SYNDIG1: variants seen among roughly 807,000 people sequenced by gnomAD.
SYNDIG1 encodes the protein synapse differentiation inducing 1.
Under a neutral mutation model 19.4 loss-of-function variants are expected in SYNDIG1, and 9 were observed. That is an observed-to-expected ratio of 0.46 (90% confidence interval 0.28 to 0.81). The LOEUF (loss-of-function observed/expected upper bound fraction) is 0.81. Ranked by LOEUF, SYNDIG1 falls within the 30% of genes least tolerant of loss-of-function variation. SYNDIG1 has a pLI of 0.12. For synonymous variants in SYNDIG1, 141 were observed against 145.9 expected (o/e 0.97, Z 0.24); for missense variants, 311 against 343.3 (o/e 0.91, Z 0.74).
intron 2 of SYNDIG1, among the ~76,000 whole-genome samples, chr20:24,553,269 A>G (rs2057742986): frequency 6.6e-6 from 1 of 151,684 alleles, no homozygotes; most frequent in African/African-American, 2.4e-5. Context: ...TTGCCTGTTC[A>G]CTCTGATGGT....
chr20:24,659,381 CTCA>C (rs1325002473), intron 3 of SYNDIG1, among the ~76,000 whole-genome samples: 2 of 152,208 alleles, frequency 1.3e-5, no homozygotes, highest in African/African-American at 4.8e-5. Flanking sequence ...GTCTGCCGTC[CTCA>C]TCATCGTGTG....
chr20:24,513,696 ACT>A (rs1435004063), intron 1 of SYNDIG1, among the ~76,000 whole-genome samples: 1 of 152,168 alleles, frequency 6.6e-6, no homozygotes, highest in African/African-American at 2.4e-5. Flanking sequence ...GTTGGAAAAC[ACT>A]CTGCAGGATA....
At chr20:24,472,877 C>T (rs1024801871) in intron 1 of SYNDIG1, among the ~76,000 whole-genome samples, 1 of 152,186 alleles carries the variant, frequency 6.6e-6, no homozygotes, top group African/African-American at 2.4e-5. Context: ...TTATAAAGTG[C>T]ACTATTTAAA....
intron 2 of SYNDIG1, among the ~76,000 whole-genome samples, chr20:24,548,826 G>C (rs1471852883): frequency 2.0e-5 from 3 of 152,158 alleles, no homozygotes; most frequent in Non-Finnish European, 4.4e-5. Flanking sequence ...GATGAAAGGT[G>C]ATGTTTTTGT....
intron 2 of SYNDIG1, among the ~76,000 whole-genome samples, chr20:24,571,633 A>G (rs2058145775): frequency 1.3e-5 from 2 of 152,234 alleles, no homozygotes; most frequent in Non-Finnish European, 2.9e-5. Flanking sequence ...ACTTAAATAC[A>G]TGCTTTTCTT....
rs34436263 is a variant in SYNDIG1 at position 24,508,218 on chromosome 20, ATTT to A, written c.-78-34776_-78-34774del. 1.6e-4 allele frequency among the ~76,000 whole-genome samples: 12 copies of A among 73,204 alleles called. 1 individual carries two copies. The highest frequency in any genetic ancestry group is 6.7e-4 in the African/African-American group (11 of 16,502). 48.0% of individuals were successfully genotyped at this position (73,204 alleles called of 152,430 possible). On this transcript the variant is annotated intron_variant, in intron 1 of 3. Transcript: ENST00000376862. ...TGGAAAATTAAAATTAAGGAGGATA[ATTT>A]TTTTTTTTTTTTTTTTTTTTTTTTT...
At position 24,626,827 on chromosome 20, in the gene SYNDIG1, A is replaced by G. The variant is rs1438350217; in HGVS notation, c.619-38519A>G. ...ACGAGACTCCGTCTGCAATCCCGGC[A>G]CCTCGGGAGGCCGAGGCTGGCGGAT... On this transcript the variant is annotated intron_variant, in intron 3 of 3. Transcript: ENST00000376862. Among the ~76,000 whole-genome samples the G allele has an allele frequency of 2.6e-5, 4 of 152,318 alleles. No individual in the cohort carries two copies. In the East Asian group the frequency reaches 7.7e-4, roughly 29 times the overall value.
chr20:24,580,127 G>A (rs1470980757), intron 2 of SYNDIG1, among the ~76,000 whole-genome samples: 1 of 152,174 alleles, frequency 6.6e-6, no homozygotes, highest in African/African-American at 2.4e-5. Flanking sequence ...AATGTTTTCA[G>A]TCCGCAGATG....
intron 2 of SYNDIG1, among the ~76,000 whole-genome samples, chr20:24,582,180 TCCTCCC>T (rs2058337696): frequency 7.6e-6 from 1 of 132,364 alleles, no homozygotes; most frequent in South Asian, 2.7e-4. Flanking sequence ...CGATTGCAAG[TCCTCCC>T]CGCTGCACAT....
chr20:24,482,770 G>A (rs186899193), intron 1 of SYNDIG1, among the ~76,000 whole-genome samples: 1 of 152,318 alleles, frequency 6.6e-6, no homozygotes, highest in Admixed American at 6.5e-5. Flanking sequence ...TGCTGGGTAT[G>A]TATTTACATG....
chr20:24,513,813 CAT>C (rs2056802891), intron 1 of SYNDIG1, among the ~76,000 whole-genome samples: 1 of 152,104 alleles, frequency 6.6e-6, no homozygotes, highest in African/African-American at 2.4e-5. Context: ...AACTCCAAGA[CAT>C]GTAATTGTCA....
chr20:24,542,875 T>C (rs1327912746), intron 1 of SYNDIG1, 145 bp from the exon 2 acceptor site: 2 of 620,838 alleles, frequency 3.2e-6, no homozygotes, highest in Non-Finnish European at 5.4e-6. Context: ...ATTCACTGAA[T>C]AGGTAGGACT....
At chr20:24,650,846 T>C (rs5841038) in intron 3 of SYNDIG1, among the ~76,000 whole-genome samples, 1 of 1,560 alleles carries the variant, frequency 6.4e-4, no homozygotes, top group African/African-American at 0.015. Context: ...TCTTTCTTTT[T>C]TTTTTTTGAG....
At chr20:24,580,865 G>A (rs1401807212) in intron 2 of SYNDIG1, among the ~76,000 whole-genome samples, 1 of 152,158 alleles carries the variant, frequency 6.6e-6, no homozygotes, top group Admixed American at 6.5e-5. Flanking sequence ...TTTGCTTCTT[G>A]GGGACTGTGT....
intron 2 of SYNDIG1, among the ~76,000 whole-genome samples, chr20:24,555,653 C>A (rs2057798956): frequency 1.3e-5 from 2 of 152,126 alleles, no homozygotes; most frequent in Non-Finnish European, 2.9e-5. Flanking sequence ...AGTTTGATTG[C>A]ACTGTGGTCT....
At chr20:24,561,833 C>T (rs887191772) in intron 2 of SYNDIG1, among the ~76,000 whole-genome samples, 2 of 152,184 alleles carry the variant, frequency 1.3e-5, no homozygotes, top group African/African-American at 4.8e-5. Flanking sequence ...CCACACATGG[C>T]TTGTGGTTAG....
At chr20:24,626,395 A>G (rs1401802385) in intron 3 of SYNDIG1, among the ~76,000 whole-genome samples, 3 of 150,678 alleles carry the variant, frequency 2.0e-5, no homozygotes, top group African/African-American at 7.4e-5. Context: ...CACCTCCCAG[A>G]CAGGGTCGTG....
chr20:24,600,871 T>A (rs1031200074), intron 3 of SYNDIG1, among the ~76,000 whole-genome samples: 4 of 152,140 alleles, frequency 2.6e-5, no homozygotes, highest in Non-Finnish European at 5.9e-5. Context: ...TGCCTTGGCC[T>A]CCCAAAGTGC....
chr20:24,643,572 G>A (rs2059399161), intron 3 of SYNDIG1, among the ~76,000 whole-genome samples: 1 of 152,212 alleles, frequency 6.6e-6, no homozygotes, highest in South Asian at 2.1e-4. Context: ...CGTTTCCAGG[G>A]TTACTTTGGT....
Sources: gnomAD v4.1 joint callset for allele counts (sites outside exome capture counted in the v4.1 genomes callset) on GRCh38, gnomAD v4.1.1 for gene constraint, MANE v1.5 for transcripts, NCBI Gene and HGNC (gene_info 2026-07-23, HGNC 2026-07-21) for gene names.